Variants in SLC12A2 observed in about 807,000 individuals in gnomAD.
SLC12A2 encodes Na-K-2Cl cotransporter 1.
In SLC12A2, 67 loss-of-function variants were observed where a neutral mutation model predicts 136.3. The ratio of observed to expected loss-of-function variants is 0.49; its 90% confidence interval spans 0.40 to 0.60. SLC12A2 has a LOEUF of 0.60. Ranked by LOEUF, SLC12A2 falls within the 20% of genes least tolerant of loss-of-function variation. The pLI is 0.00. For synonymous variants in SLC12A2, 619 were observed against 562.9 expected, an observed-to-expected ratio of 1.10 and a Z score of -1.41; for missense variants, 1,322 against 1,534.7, an observed-to-expected ratio of 0.86 and a Z score of 2.32.
At chr5:128,154,444 C>T (rs1762810818) in intron 15 of SLC12A2, among the ~76,000 whole-genome samples, 2 of 151,848 alleles carry the variant, frequency 1.3e-5, no homozygotes, top group Admixed American at 6.6e-5. Context: ...CCCAGTTTGG[C>T]TTTTTAATTT....
chr5:128,123,311 A>G (rs1467028258), intron 4 of SLC12A2, among the ~76,000 whole-genome samples: 1 of 152,190 alleles, frequency 6.6e-6, no homozygotes, highest in Non-Finnish European at 1.5e-5. Context: ...AAATTTGCCA[A>G]ACATTAAGAG....
intron 22 of SLC12A2, among the ~76,000 whole-genome samples, chr5:128,179,192 A>G (rs896376149): frequency 2.8e-4 from 43 of 152,314 alleles, no homozygotes; most frequent in African/African-American, 1.0e-3. Context: ...GGGATGGCAC[A>G]GAGGGATTAC....
intron 4 of SLC12A2, among the ~76,000 whole-genome samples, chr5:128,126,968 T>A (rs559835621): frequency 0.018 from 956 of 54,086 alleles, 60 homozygotes; most frequent in African/African-American, 0.09. Flanking sequence ...ATATATATAT[T>A]TTTTTTTTTT....
chr5:128,123,369 CATT>C (rs1761661532), intron 4 of SLC12A2, among the ~76,000 whole-genome samples: 2 of 152,084 alleles, frequency 1.3e-5, no homozygotes, highest in South Asian at 4.1e-4. Flanking sequence ...GAATGTATTT[CATT>C]ATTGTCACCC....
At chr5:128,171,907 G>GT (rs1763386924) in intron 19 of SLC12A2, 161 bp downstream of exon 19, 1 of 491,556 alleles carries the variant, frequency 2.0e-6, no homozygotes, top group African/African-American at 2.0e-5. Context: ...CTCCACTAAA[G>GT]TTTGTGTTTT....
intron 7 of SLC12A2, 126 bp from the exon 8 acceptor site, chr5:128,138,471 C>A: frequency 2.5e-6 from 2 of 803,426 alleles, no homozygotes; most frequent in Non-Finnish European, 1.9e-6. Flanking sequence ...GGGAAATATG[C>A]AAAAATTTAC....
At chr5:128,179,756 C>G (rs1186253318) in intron 22 of SLC12A2, among the ~76,000 whole-genome samples, 1 of 151,980 alleles carries the variant, frequency 6.6e-6, no homozygotes, top group Non-Finnish European at 1.5e-5. Context: ...CAAACACCTC[C>G]CACTAAGCTC....
intron 20 of SLC12A2, among the ~76,000 whole-genome samples, chr5:128,176,175 C>CT (rs1377922515): frequency 6.6e-6 from 1 of 152,024 alleles, no homozygotes; most frequent in Non-Finnish European, 1.5e-5. Context: ...CCTTCAAATA[C>CT]TTTCTGCCAG....
chr5:128,182,770 A>G (rs550224996), intron 23 of SLC12A2, 85 bp from the exon 24 acceptor site: 6 of 911,096 alleles, frequency 6.6e-6, no homozygotes, highest in South Asian at 3.3e-5. Context: ...GACTTTTTCT[A>G]TAAATCATGC....
At chr5:128,087,663 G>A (rs1193755051) in intron 1 of SLC12A2, among the ~76,000 whole-genome samples, 1 of 152,100 alleles carries the variant, frequency 6.6e-6, no homozygotes, top group Non-Finnish European at 1.5e-5. Context: ...ATTTTGTGTG[G>A]GGTAGCCACA....
At position 128,138,579 on chromosome 5, in the gene SLC12A2, A is replaced by C. The variant is rs751173273; in HGVS notation, c.1409-18A>C. 6 of 1,600,054 alleles carry C rather than the reference A, an allele frequency of 3.7e-6. No homozygotes were observed. The East Asian group carries it at 1.3e-4, about 36-fold the overall frequency. On this transcript the variant is annotated intron_variant, in intron 7 of 26. Transcript: ENST00000262461. ...ATTTGCTCTCCATTAATTGTCAAGA[A>C]TATTTTGTTCTCTGCAGCTGAAATA...
At position 128,084,284 on chromosome 5, in the gene SLC12A2, G is replaced by A; in HGVS notation, c.330G>A (p.Gly110=). 1 of 1,452,980 alleles carries A rather than the reference G, an allele frequency of 6.9e-7. No individual in the cohort carries two copies. The highest frequency in any genetic ancestry group is 9.0e-7 in the Non-Finnish European group (1 of 1,113,220). 90.0% of individuals were successfully genotyped at this position (1,452,980 alleles called of 1,614,324 possible). Residue 110 remains glycine, a synonymous_variant, in exon 1 of 27, where the codon GGG becomes GGA. Coordinates refer to ENST00000262461, the MANE Select transcript of SLC12A2 (RefSeq NM_001046.3). The surrounding 1 kb of genome is among the most constrained non-coding windows in gnomAD (Gnocchi z 5.6). ...AAAAAAAAGA[G]AGAKQTPADG... is the part of the protein sequence containing the mutation. ...CGGCAGCGGCGGCGGCTGGTGCTGG[G>A]GCGGGGGCCAAGCAGACCCCCGCGG...
In SLC12A2 at chr5:128,187,857, A is replaced by C. The variant is rs1389421098; in HGVS notation, c.*1226A>C. ...TAGTCTAGTAAAATTTTGACAGTGCATATGTACTGTTACTAAAAGCTTTAT... is the reference window on the plus strand; with the variant it reads ...TAGTCTAGTAAAATTTTGACAGTGCCTATGTACTGTTACTAAAAGCTTTAT... On this transcript the variant is annotated 3_prime_UTR_variant, in exon 27 of 27. Transcript: ENST00000262461. 1 of 152,734 alleles carries C rather than the reference A, an allele frequency of 6.5e-6. No homozygotes were observed. The highest frequency in any genetic ancestry group is 2.1e-4 in the South Asian group (1 of 4,826). 9.5% of individuals were successfully genotyped at this position (152,734 alleles called of 1,614,324 possible).
intron 9 of SLC12A2, among the ~76,000 whole-genome samples, chr5:128,139,159 A>G (rs1421375313): frequency 2.6e-5 from 4 of 152,192 alleles, no homozygotes; most frequent in Non-Finnish European, 5.9e-5. Context: ...TTAAAAAATT[A>G]TATGAAATTG....
At chr5:128,085,629 T>G (rs1330835643) in intron 1 of SLC12A2, among the ~76,000 whole-genome samples, 1 of 152,242 alleles carries the variant, frequency 6.6e-6, no homozygotes, top group Non-Finnish European at 1.5e-5. Context: ...TTACTTGAAG[T>G]CTTCCTTTAC....
chr5:128,161,899 T>C, intron 17 of SLC12A2, 99 bp downstream of exon 17: 1 of 838,808 alleles, frequency 1.2e-6, no homozygotes. Flanking sequence ...CTAATAAAAA[T>C]GGCAAATCTT....
intron 16 of SLC12A2, 72 bp downstream of exon 16, chr5:128,158,236 C>A: frequency 8.9e-7 from 1 of 1,123,572 alleles, no homozygotes; most frequent in Non-Finnish European, 1.3e-6. Flanking sequence ...AATACATGTG[C>A]AGGTTTGTTA....
In SLC12A2 at chr5:128,147,591, T is replaced by A. The variant is rs758321836; in HGVS notation, c.1774-31T>A. ...TATTTTCTGAATTGTTTGTGAGATT[T>A]ATTTTTCCATTTTTGTCACTTTTAT... is the stretch of plus-strand genomic sequence containing the variant. On this transcript the variant is annotated intron_variant, in intron 10 of 26. Coordinates refer to ENST00000262461, the MANE Select transcript of SLC12A2 (RefSeq NM_001046.3). 4 of 1,398,886 alleles carry A rather than the reference T, an allele frequency of 2.9e-6. No individual in the cohort carries two copies. The African/African-American group carries it at 5.7e-5, about 20-fold the overall frequency. 86.7% of individuals were successfully genotyped at this position (1,398,886 alleles called of 1,614,324 possible). A position where few individuals can be genotyped will look rare whatever the true frequency, so the allele number is the denominator to read the frequency against.
rs75372898 is a variant in SLC12A2 at position 128,180,794 on chromosome 5, G to A, written c.3101-89G>A. 1,861 of 772,004 alleles carry A rather than the reference G, an allele frequency of 2.4e-3. 30 individuals carry two copies. The African/African-American group carries it at 0.028, about 12-fold the overall frequency. 47.8% of individuals were successfully genotyped at this position (772,004 alleles called of 1,614,324 possible). On this transcript the variant is annotated intron_variant, in intron 22 of 26. Coordinates refer to ENST00000262461, the MANE Select transcript of SLC12A2 (RefSeq NM_001046.3). ...AAAGATTTTTGTTTCATATGGAGTT[G>A]TAGTAAACATGTTTTTCGAGACTAA...
Sources: allele counts gnomAD v4.1 joint callset (sites outside exome capture counted in the v4.1 genomes callset), GRCh38; gene constraint gnomAD v4.1.1; non-coding constraint Gnocchi (gnomAD v3.1); transcripts MANE v1.5; gene names NCBI Gene and HGNC (gene_info 2026-07-23, HGNC 2026-07-21).